The following GFRAL variants were observed in gnomAD, a reference collection of about 807,000 sequenced individuals.
GFRAL encodes GDNF family receptor alpha like.
In GFRAL, 36 loss-of-function variants were observed where a neutral mutation model predicts 45.4. That is an observed-to-expected ratio of 0.79 (90% confidence interval 0.61 to 1.05). The LOEUF is 1.05. Among genes scored for constraint, GFRAL ranks in the 50% least tolerant of loss-of-function variants. The pLI, the probability that GFRAL is intolerant of heterozygous loss-of-function variation, is 0.00. For missense variants in GFRAL, 507 were observed against 467.5 expected, an observed-to-expected ratio of 1.08 and a Z score of -0.78; for synonymous variants, 166 against 154.1, an observed-to-expected ratio of 1.08 and a Z score of -0.57.
chr6:55,344,478 C>G (rs1479259401), intron 3 of GFRAL, among the ~76,000 whole-genome samples: 2 of 152,092 alleles, frequency 1.3e-5, no homozygotes, highest in Admixed American at 6.5e-5. Context: ...AGGCCTTTGA[C>G]AAGATTAAAC....
intron 6 of GFRAL, among the ~76,000 whole-genome samples, chr6:55,393,209 T>C (rs1005023159): frequency 1.3e-5 from 2 of 152,182 alleles, no homozygotes; most frequent in Non-Finnish European, 2.9e-5. Flanking sequence ...TTCTAAAATA[T>C]ATCCCCTGGA....
At chr6:55,368,569 G>A (rs1414292074) in intron 6 of GFRAL, among the ~76,000 whole-genome samples, 7 of 151,910 alleles carry the variant, frequency 4.6e-5, no homozygotes, top group African/African-American at 1.7e-4. Flanking sequence ...CCATCTTTGT[G>A]GTTTTATCTA....
chr6:55,395,175 A>AAAAATATATATATATAT, intron 6 of GFRAL, among the ~76,000 whole-genome samples: 9 of 123,490 alleles, frequency 7.3e-5, no homozygotes, highest in South Asian at 2.5e-4. Context: ...AAAAAAAAAA[A>AAAAATATATATATATAT]ATATATATAT....
chr6:55,359,688 A>G (rs1389202495), intron 6 of GFRAL, among the ~76,000 whole-genome samples: 1 of 151,942 alleles, frequency 6.6e-6, no homozygotes, highest in East Asian at 1.9e-4. Context: ...GTTCACTTCA[A>G]TATGACATCT....
At chr6:55,357,323 G>T (rs553235438) in intron 5 of GFRAL, among the ~76,000 whole-genome samples, 1 of 151,820 alleles carries the variant, frequency 6.6e-6, no homozygotes, top group Non-Finnish European at 1.5e-5. Context: ...AATACTATTT[G>T]CTTTACATGT....
chr6:55,356,430 A>G (rs747521215), intron 5 of GFRAL, among the ~76,000 whole-genome samples: 2 of 151,784 alleles, frequency 1.3e-5, no homozygotes, highest in South Asian at 2.1e-4. Flanking sequence ...TTATAGTTCA[A>G]TCTTGGTAGG....
chr6:55,354,878 T>C (rs1021666349), intron 5 of GFRAL, among the ~76,000 whole-genome samples: 2 of 152,082 alleles, frequency 1.3e-5, no homozygotes, highest in Non-Finnish European at 1.5e-5. Context: ...ATTTTTTAAC[T>C]GCCAAAGAGA....
At chr6:55,327,666 G>T (rs1388529593) in intron 1 of GFRAL, 90 bp downstream of exon 1, 9 of 1,217,178 alleles carry the variant, frequency 7.4e-6, no homozygotes, top group South Asian at 6.6e-5. Flanking sequence ...CTTAACAGGG[G>T]CTTATAATAT....
At chr6:55,376,069 C>A (rs181913669) in intron 6 of GFRAL, among the ~76,000 whole-genome samples, 10 of 151,978 alleles carry the variant, frequency 6.6e-5, no homozygotes, top group Non-Finnish European at 1.5e-4. Context: ...TAACATGAAG[C>A]GATGTTGCAT....
At position 55,333,856 on chromosome 6, in the gene GFRAL, C is replaced by T. The variant is rs978754152; in HGVS notation, c.228C>T (p.Ser76=). 2 of 1,608,642 alleles carry T rather than the reference C, an allele frequency of 1.2e-6. No individual in the cohort carries two copies. The highest frequency in any genetic ancestry group is 1.1e-5 in the South Asian group (1 of 90,648). ...CNLSIQYLVE[S]NFQFKECLCT... ...TGAGTATCCAGTACTTAGTGGAAAGCAATTTCCAATTTAAAGAGTGTCTTT... is the reference window on the plus strand; with the variant it reads ...TGAGTATCCAGTACTTAGTGGAAAGTAATTTCCAATTTAAAGAGTGTCTTT... Residue 76 remains serine, a synonymous_variant, in exon 3 of 9, where the codon AGC becomes AGT. Coordinates refer to ENST00000340465, the MANE Select transcript of GFRAL (RefSeq NM_207410.2).
At chr6:55,364,045 G>T (rs9767102) in intron 6 of GFRAL, among the ~76,000 whole-genome samples, 1 of 130,074 alleles carries the variant, frequency 7.7e-6, no homozygotes, top group East Asian at 2.0e-4. Flanking sequence ...CTAGTTTACT[G>T]TCCCACCAAC....
chr6:55,393,099 A>G (rs1344852206), intron 6 of GFRAL, among the ~76,000 whole-genome samples: 2 of 152,024 alleles, frequency 1.3e-5, no homozygotes, highest in Non-Finnish European at 2.9e-5. Flanking sequence ...TGACTAAGCA[A>G]AAATAAAGAT....
At chr6:55,348,739 T>C (rs1477446853) in intron 3 of GFRAL, among the ~76,000 whole-genome samples, 2 of 152,064 alleles carry the variant, frequency 1.3e-5, no homozygotes, top group African/African-American at 4.8e-5. Context: ...AAAGACACCA[T>C]CACCCCATAA....
At chr6:55,343,441 T>A (rs1767997250) in intron 3 of GFRAL, among the ~76,000 whole-genome samples, 1 of 151,982 alleles carries the variant, frequency 6.6e-6, no homozygotes, top group Admixed American at 6.6e-5. Flanking sequence ...GGTACATAAT[T>A]AAATGAAGGC....
At chr6:55,341,487 A>C (rs1250808957) in intron 3 of GFRAL, among the ~76,000 whole-genome samples, 1 of 152,214 alleles carries the variant, frequency 6.6e-6, no homozygotes, top group Non-Finnish European at 1.5e-5. Context: ...GAAAACTAAC[A>C]AACAGAAAGG....
Position 55,377,041 on chromosome 6 carries a change from C to G in GFRAL, c.952+17903C>G, listed in dbSNP as rs150144198. 4.6e-3 allele frequency among the ~76,000 whole-genome samples: 707 copies of G among 152,106 alleles called. 3 individuals are homozygous for G. Among genetic ancestry groups the G allele is most frequent in the Non-Finnish European group, 5.8e-3 (394 of 67,970 alleles). Reference sequence around the variant, plus strand: ...CTCATGTCTCTTTTGTAAAACCCTGCTCAAGCAGCCAAGAGTGAGCCATTC... The same window carrying G: ...CTCATGTCTCTTTTGTAAAACCCTGGTCAAGCAGCCAAGAGTGAGCCATTC... On this transcript the variant is annotated intron_variant, in intron 6 of 8. Transcript: ENST00000340465.
intron 1 of GFRAL, among the ~76,000 whole-genome samples, chr6:55,329,477 T>A (rs1006944811): frequency 6.6e-6 from 1 of 152,150 alleles, no homozygotes; most frequent in Non-Finnish European, 1.5e-5. Flanking sequence ...CAAGATATAA[T>A]GATTAATGGC....
At chr6:55,377,326 A>G (rs1768548520) in intron 6 of GFRAL, among the ~76,000 whole-genome samples, 1 of 152,014 alleles carries the variant, frequency 6.6e-6, no homozygotes, top group Admixed American at 6.6e-5. Flanking sequence ...CACCAATAAC[A>G]CATCAAATAC....
intron 3 of GFRAL, among the ~76,000 whole-genome samples, chr6:55,341,273 C>T (rs940082871): frequency 1.3e-5 from 2 of 152,222 alleles, no homozygotes; most frequent in African/African-American, 4.8e-5. Flanking sequence ...AGGCACCCTC[C>T]AGTAGGGGCA....
Sources: allele counts gnomAD v4.1 joint callset (sites outside exome capture counted in the v4.1 genomes callset), GRCh38; gene constraint gnomAD v4.1.1; transcripts MANE v1.5; gene names NCBI Gene and HGNC (gene_info 2026-07-23, HGNC 2026-07-21).